HDAC9: variants seen among roughly 807,000 people sequenced by gnomAD.
HDAC9 encodes the protein MEF-2 interacting transcription repressor (MITR) protein.
HDAC9 carries 41 observed loss-of-function variants against 139.4 expected under a neutral mutation model. The ratio of observed to expected loss-of-function variants is 0.29; its 90% CI spans 0.23 to 0.38. HDAC9 has a LOEUF of 0.38. Ranked by LOEUF, HDAC9 falls within the 10% of genes least tolerant of loss-of-function variation. HDAC9 has a pLI of 1.00. For synonymous variants in HDAC9, 517 were observed against 476.2 expected (o/e 1.09, Z -1.12); for missense variants, 1,147 against 1,297.0 (o/e 0.88, Z 1.78).
At chr7:18,256,050 A>G (rs1003917574) in intron 2 of HDAC9, among the ~76,000 whole-genome samples, 13 of 141,278 alleles carry the variant, frequency 9.2e-5, no homozygotes, top group African/African-American at 3.2e-4. Flanking sequence ...AGAAACCTTG[A>G]CATCTCAGCA....
At chr7:18,175,258 C>T (rs889784762) in intron 2 of HDAC9, among the ~76,000 whole-genome samples, 3 of 152,188 alleles carry the variant, frequency 2.0e-5, no homozygotes, top group African/African-American at 7.2e-5. Context: ...GTGGGACCTG[C>T]CAAGCCAGGA....
intron 2 of HDAC9, among the ~76,000 whole-genome samples, chr7:18,220,903 T>C (rs1308731547): frequency 6.6e-6 from 1 of 152,206 alleles, no homozygotes; most frequent in Non-Finnish European, 1.5e-5. Context: ...AAGAAGCTTT[T>C]AGTAATGTTA....
intron 25 of HDAC9, among the ~76,000 whole-genome samples, chr7:18,990,717 C>G (rs1214777439): frequency 1.3e-5 from 2 of 152,244 alleles, no homozygotes; most frequent in East Asian, 3.8e-4. Context: ...GGGCGTAGGA[C>G]CCTCCGAGCC....
chr7:18,245,206 C>A (rs1466578888), intron 2 of HDAC9, among the ~76,000 whole-genome samples: 1 of 152,182 alleles, frequency 6.6e-6, no homozygotes, highest in East Asian at 1.9e-4. Flanking sequence ...TGCTTCATCT[C>A]CCAAAGGTTT....
chr7:18,930,704 G>T (rs1398782768), intron 22 of HDAC9, among the ~76,000 whole-genome samples: 1 of 152,068 alleles, frequency 6.6e-6, no homozygotes, highest in Non-Finnish European at 1.5e-5. Flanking sequence ...TGAATGTTTT[G>T]TGCATGCATA....
At chr7:18,097,677 C>A (rs1229805913) in intron 1 of HDAC9, among the ~76,000 whole-genome samples, 4 of 152,134 alleles carry the variant, frequency 2.6e-5, no homozygotes, top group Admixed American at 1.3e-4. Flanking sequence ...AGCTGATCCT[C>A]CTGCCTCAGC....
intron 1 of HDAC9, among the ~76,000 whole-genome samples, chr7:18,153,162 T>C (rs1351783962): frequency 1.1e-4 from 16 of 152,172 alleles, no homozygotes; most frequent in Admixed American, 1.0e-3. Context: ...TTGCAAGGGA[T>C]TCTGGAGAAA....
chr7:18,246,168 G>T (rs75118768), intron 2 of HDAC9, among the ~76,000 whole-genome samples: 1,790 of 148,440 alleles, frequency 0.012, 27 homozygotes, highest in African/African-American at 0.042. Flanking sequence ...GGTTGAGCAG[G>T]GTAAGGGAGA....
chr7:18,169,049 T>C (rs1788221264), intron 2 of HDAC9, among the ~76,000 whole-genome samples: 1 of 152,016 alleles, frequency 6.6e-6, no homozygotes, highest in Non-Finnish European at 1.5e-5. Flanking sequence ...GCAATTCTTC[T>C]GCCTCAGTCT....
chr7:18,433,438 A>G (rs1421663582), intron 1 of HDAC9, among the ~76,000 whole-genome samples: 1 of 152,206 alleles, frequency 6.6e-6, no homozygotes, highest in Admixed American at 6.5e-5. Context: ...AAATAGGAAG[A>G]GAGGAAGTCA....
At chr7:18,619,556 T>C (rs1392599098) in intron 6 of HDAC9, among the ~76,000 whole-genome samples, 6 of 152,176 alleles carry the variant, frequency 3.9e-5, no homozygotes, top group Admixed American at 3.3e-4. Context: ...AACTTGACTA[T>C]GAAAGTGCAA....
At chr7:18,124,034 T>C (rs750682728) in intron 1 of HDAC9, among the ~76,000 whole-genome samples, 5 of 152,184 alleles carry the variant, frequency 3.3e-5, no homozygotes, top group Non-Finnish European at 5.9e-5. Context: ...AGGTTTCCCT[T>C]TGCATACCAT....
intron 2 of HDAC9, among the ~76,000 whole-genome samples, chr7:18,174,195 A>G (rs1420816357): frequency 6.6e-6 from 1 of 152,036 alleles, no homozygotes; most frequent in African/African-American, 2.4e-5. Context: ...TATTTCATTA[A>G]TTTGATCTTC....
At chr7:18,964,937 CT>C (rs1783752670) in intron 24 of HDAC9, among the ~76,000 whole-genome samples, 1 of 152,194 alleles carries the variant, frequency 6.6e-6, no homozygotes, top group Non-Finnish European at 1.5e-5. Flanking sequence ...AGAAACAATC[CT>C]TTGAATGCAA....
Position 18,749,059 on chromosome 7 carries a change from C to A in HDAC9, c.1964C>A (p.Thr655Asn). 1 of 1,613,578 alleles carries A rather than the reference C, an allele frequency of 6.2e-7. No individual in the cohort carries two copies. Among genetic ancestry groups the A allele is most frequent in the East Asian group, 2.2e-5 (1 of 44,884 alleles). ...CACCAGTGCGTTTGTGGCAATTCCA[C>A]CACCCACCCTGAGCATGCTGGACGA... ...LKHQCVCGNSTTHPEHAGRIQ... is the reference protein window; with the variant it reads ...LKHQCVCGNSNTHPEHAGRIQ... The change falls in exon 14 of 26, where the codon ACC (threonine) becomes AAC (asparagine). Residue 655 changes from threonine to asparagine, a missense_variant. Thr to Asn is a moderately conservative substitution (Grantham distance 65). Transcript: ENST00000686413.
chr7:18,934,154 C>T (rs550331377), intron 22 of HDAC9, among the ~76,000 whole-genome samples: 36 of 151,960 alleles, frequency 2.4e-4, no homozygotes, highest in Non-Finnish European at 4.0e-4. Context: ...TAACTTAGGA[C>T]GATATAGAAA....
intron 2 of HDAC9, chr7:18,505,729 T>A (rs1174383042): frequency 6.6e-6 from 1 of 152,240 alleles, no homozygotes; most frequent in Non-Finnish European, 1.5e-5. Flanking sequence ...TATGATCTTA[T>A]TTGCTATGAG....
chr7:18,860,101 G>A (rs551349162), intron 21 of HDAC9, among the ~76,000 whole-genome samples: 1 of 151,666 alleles, frequency 6.6e-6, no homozygotes, highest in Non-Finnish European at 1.5e-5. Context: ...AAATCCCTAT[G>A]ACTGATTTGA....
chr7:18,675,112 T>C (rs1213757755), intron 12 of HDAC9, among the ~76,000 whole-genome samples: 2 of 152,030 alleles, frequency 1.3e-5, no homozygotes, highest in African/African-American at 2.4e-5. Flanking sequence ...TAATCTTTCT[T>C]AGAGAGTGAA....
Sources: allele counts gnomAD v4.1 joint callset (sites outside exome capture counted in the v4.1 genomes callset), GRCh38; gene constraint gnomAD v4.1.1; transcripts MANE v1.5; gene names NCBI Gene and HGNC (gene_info 2026-07-23, HGNC 2026-07-21).